PDZD2: variants seen among roughly 807,000 people sequenced by gnomAD.
PDZD2 encodes the protein PDZ domain-containing protein 2.
PDZD2 carries 90 observed loss-of-function variants against 220.7 expected under a neutral mutation model. That is an observed-to-expected ratio of 0.41 (90% CI 0.34 to 0.49). The LOEUF (loss-of-function observed/expected upper bound fraction) is 0.49, where lower values mean the gene tolerates loss of function less well. Ranked by LOEUF, PDZD2 falls within the 20% of genes least tolerant of loss-of-function variation. PDZD2 has a pLI of 0.28. For synonymous variants in PDZD2, 1,375 were observed against 1,450.5 expected (o/e 0.95, Z 1.18); for missense variants, 3,174 against 3,608.5 (o/e 0.88, Z 3.08).
chr5:32,006,845 G>C (rs1264039686), intron 5 of PDZD2, among the ~76,000 whole-genome samples: 1 of 147,662 alleles, frequency 6.8e-6, no homozygotes, highest in Non-Finnish European at 1.5e-5. Context: ...ACGTGCCACC[G>C]CATCTGGCTA....
At chr5:32,080,354 A>G (rs1284761117) in intron 19 of PDZD2, among the ~76,000 whole-genome samples, 2 of 138,810 alleles carry the variant, frequency 1.4e-5, no homozygotes, top group African/African-American at 5.2e-5. Context: ...TCTCAAAAAA[A>G]AAAAAAAAAA....
intron 3 of PDZD2, among the ~76,000 whole-genome samples, chr5:31,989,424 T>TTTTTTTTTTTTTTTTTTTTTATTTATTTC: frequency 7.3e-6 from 1 of 136,688 alleles, no homozygotes; most frequent in African/African-American, 2.9e-5. Flanking sequence ...TTCTTTTCTT[T>TTTTTTTTTTTTTTTTTTTTTATTTATTTC]TTTTTTTTTT....
rs1412430921 is a variant in PDZD2 at position 31,918,733 on chromosome 5, C to T, written c.477-64422C>T. ...TACAGTGCTCCTGAGGAGGGAAGTGCAGTTCCCTCCTGAGTGGACCCCCAA... is the reference window on the plus strand; with the variant it reads ...TACAGTGCTCCTGAGGAGGGAAGTGTAGTTCCCTCCTGAGTGGACCCCCAA... On this transcript the variant is annotated intron_variant, in intron 2 of 24. Transcript: ENST00000438447. 2.0e-5 allele frequency among the ~76,000 whole-genome samples: 3 copies of T among 152,260 alleles called. No individual in the cohort carries two copies. In the East Asian group the frequency reaches 5.8e-4, roughly 29 times the overall value.
Position 31,986,524 on chromosome 5 carries a change from A to T in PDZD2, c.978+2868A>T, listed in dbSNP as rs141267123. 4.4e-3 allele frequency among the ~76,000 whole-genome samples: 663 copies of T among 152,276 alleles called. 3 individuals are homozygous for T. The highest frequency in any genetic ancestry group is 0.015 in the African/African-American group (627 of 41,542). ...TCTGATGGCACCAAAATTGGAACCA[A>T]TAGACCTTCATACAAGATTGTTTAA... On this transcript the variant is annotated intron_variant, in intron 3 of 24. Coordinates refer to ENST00000438447, the MANE Select transcript of PDZD2 (RefSeq NM_178140.4).
chr5:31,694,598 C>T (rs1747291009), intron 1 of PDZD2, among the ~76,000 whole-genome samples: 1 of 152,082 alleles, frequency 6.6e-6, no homozygotes, highest in African/African-American at 2.4e-5. Context: ...GAAGCCTCAG[C>T]ACCTGTGAGG....
chr5:31,889,292 A>G (rs969763992), intron 2 of PDZD2, among the ~76,000 whole-genome samples: 11 of 152,194 alleles, frequency 7.2e-5, no homozygotes, highest in Admixed American at 3.9e-4. Context: ...CCCTGGACAG[A>G]TGAGGAACAG....
At chr5:31,997,383 C>A (rs1230093041) in intron 4 of PDZD2, among the ~76,000 whole-genome samples, 1 of 151,992 alleles carries the variant, frequency 6.6e-6, no homozygotes, top group Non-Finnish European at 1.5e-5. Context: ...CTCATCAGTT[C>A]TTTTATTACA....
At chr5:31,992,818 G>A (rs1169535750) in intron 3 of PDZD2, among the ~76,000 whole-genome samples, 1 of 149,906 alleles carries the variant, frequency 6.7e-6, no homozygotes, top group Admixed American at 6.7e-5. Context: ...TATCTTCCAC[G>A]GAAAAAAACA....
rs568493311 is a variant in PDZD2, at chr5:32,089,379, G to A, written c.5931G>A (p.Thr1977=). The change falls in exon 20 of 25, where the codon ACG becomes ACA. Residue 1977 remains threonine (T), a synonymous_variant. Coordinates refer to ENST00000438447, the MANE Select transcript of PDZD2 (RefSeq NM_178140.4). The stretch of plus-strand genomic sequence containing the variant: ...CACTGAAACCCTCAGTGTCTGACAC[G>A]AGCATCAGGACATTTGTCTCGCCCC... The part of the protein sequence containing the change: ...SGPLKPSVSD[T]SIRTFVSPLT... The A allele has an allele frequency of 3.1e-6, 5 of 1,613,914 alleles. No homozygotes were observed. The South Asian group carries it at 3.3e-5, about 11-fold the overall frequency.
At chr5:31,838,335 G>A (rs1757069962) in intron 2 of PDZD2, among the ~76,000 whole-genome samples, 1 of 152,184 alleles carries the variant, frequency 6.6e-6, no homozygotes, top group African/African-American at 2.4e-5. Flanking sequence ...TGGGATTACA[G>A]GCATGAGCCA....
rs1387345344 is a variant in PDZD2, at chr5:32,087,208, G to A, written c.3760G>A (p.Val1254Ile). 5.0e-6 allele frequency: 8 copies of A among 1,613,886 alleles called. No individual in the cohort carries two copies. In the East Asian group the frequency reaches 8.9e-5, roughly 18 times the overall value. Residue 1254 changes from valine (V) to isoleucine (I), a missense_variant, in exon 20 of 25, where the codon GTA becomes ATA. Transcript: ENST00000438447. The surrounding 1 kb of genome is among the most constrained non-coding windows in gnomAD (Gnocchi z 4.0). ...AAHPDPSKTSVDTGQVSRPEN... is the reference protein window; with the variant it reads ...AAHPDPSKTSIDTGQVSRPEN... ...TCATCCTGACCCCAGCAAGACCTCT[G>A]TAGACACAGGGCAAGTCAGTCGGCC...
At chr5:31,760,435 A>T (rs1029765064) in intron 1 of PDZD2, among the ~76,000 whole-genome samples, 1 of 152,222 alleles carries the variant, frequency 6.6e-6, no homozygotes, top group Non-Finnish European at 1.5e-5. Flanking sequence ...AAAATAAGGA[A>T]GAAATTAGAC....
At chr5:31,755,026 T>C (rs940996544) in intron 1 of PDZD2, among the ~76,000 whole-genome samples, 1 of 152,172 alleles carries the variant, frequency 6.6e-6, no homozygotes, top group Non-Finnish European at 1.5e-5. Flanking sequence ...GAGAAGGATG[T>C]TGATGTTGTG....
intron 1 of PDZD2, among the ~76,000 whole-genome samples, chr5:31,745,051 C>T (rs1051144456): frequency 2.7e-5 from 4 of 150,602 alleles, no homozygotes; most frequent in Non-Finnish European, 3.0e-5. Context: ...CCAGCCTGGG[C>T]GACAGAGGGA....
chr5:32,105,760 T>C (rs545495752), intron 24 of PDZD2, among the ~76,000 whole-genome samples: 104 of 152,296 alleles, frequency 6.8e-4, no homozygotes, highest in Middle Eastern at 3.4e-3. Context: ...TAAAGGACAA[T>C]TTTAAAAAAT....
chr5:32,080,914 T>C (rs547480685), intron 19 of PDZD2, among the ~76,000 whole-genome samples: 37 of 152,020 alleles, frequency 2.4e-4, no homozygotes, highest in African/African-American at 8.9e-4. Context: ...CACTGGAGCC[T>C]GTTGCGGATG....
chr5:31,944,761 C>A (rs993885765), intron 2 of PDZD2, among the ~76,000 whole-genome samples: 1 of 152,180 alleles, frequency 6.6e-6, no homozygotes, highest in Non-Finnish European at 1.5e-5. Flanking sequence ...CCAGGTGACT[C>A]TCTCATGGTG....
At chr5:32,007,406 CTT>C (rs1312314392) in intron 5 of PDZD2, among the ~76,000 whole-genome samples, 1 of 151,400 alleles carries the variant, frequency 6.6e-6, no homozygotes, top group Non-Finnish European at 1.5e-5. Context: ...AAAAAACACT[CTT>C]TTCGGTTAAT....
chr5:32,067,948 G>C (rs1393926590), intron 14 of PDZD2, among the ~76,000 whole-genome samples: 1 of 152,140 alleles, frequency 6.6e-6, no homozygotes, highest in Non-Finnish European at 1.5e-5. Flanking sequence ...ATATATTGGA[G>C]AGCGGGATAT....
Sources: gnomAD v4.1 joint callset for allele counts (sites outside exome capture counted in the v4.1 genomes callset) on GRCh38, gnomAD v4.1.1 for gene constraint, Gnocchi (gnomAD v3.1) non-coding constraint, MANE v1.5 for transcripts, NCBI Gene and HGNC (gene_info 2026-07-23, HGNC 2026-07-21) for gene names.